Variants in PSMB4 observed in about 807,000 individuals in gnomAD.
The protein encoded by PSMB4 is proteasome subunit beta type-4.
Under a neutral mutation model 35.2 loss-of-function variants are expected in PSMB4, and 16 were observed. That is an observed-to-expected ratio of 0.45 (90% CI 0.31 to 0.69). The LOEUF is 0.69. Ranked by LOEUF, PSMB4 falls within the 30% of genes least tolerant of loss-of-function variation. The pLI is 0.06. For synonymous variants in PSMB4, 144 were observed against 134.1 expected, an observed-to-expected ratio of 1.07 and a Z score of -0.51; for missense variants, 333 against 351.8, an observed-to-expected ratio of 0.95 and a Z score of 0.43.
chr1:151,401,328 C>G lies in PSMB4; in HGVS notation c.666C>G (p.Tyr222Ter). 1 of 1,614,122 alleles carries G rather than the reference C, an allele frequency of 6.2e-7. No homozygotes were observed. Among genetic ancestry groups the G allele is most frequent in the Non-Finnish European group, 8.5e-7 (1 of 1,180,022 alleles). The part of the protein sequence containing the change: ...DLVERCMRVL[Y>*]YRDARSYNRF... Reference sequence around the variant, plus strand: ...TAGAACGCTGCATGCGAGTGCTGTACTACCGAGATGCCCGTTCTTACAACC... The same window carrying G: ...TAGAACGCTGCATGCGAGTGCTGTAGTACCGAGATGCCCGTTCTTACAACC... The change falls in exon 5 of 7, where the codon TAC (tyrosine) becomes TAG (stop). Residue 222 changes from tyrosine to a stop codon, truncating the protein, a stop_gained. Coordinates refer to ENST00000290541, the MANE Select transcript of PSMB4 (RefSeq NM_002796.3). LOFTEE classifies it high-confidence loss of function.
At position 151,401,047 on chromosome 1, in the gene PSMB4, A is replaced by C. The variant is rs1015088344; in HGVS notation, c.577-192A>C. The C allele has an allele frequency of 6.6e-6, 5 of 757,094 alleles. No homozygotes were observed. The African/African-American group carries it at 8.7e-5, about 13-fold the overall frequency. 46.9% of individuals were successfully genotyped at this position (757,094 alleles called of 1,614,324 possible). On this transcript the variant is annotated intron_variant, in intron 4 of 6. Coordinates refer to ENST00000290541, the MANE Select transcript of PSMB4 (RefSeq NM_002796.3). The stretch of plus-strand genomic sequence containing the variant: ...ATGACATGACTGGGAGTCAGTAGAC[A>C]TGCAAAGAGAGGACACCCTAGAACT...
chr1:151,400,488 G>A lies in PSMB4; in HGVS notation c.394G>A (p.Ala132Thr). ...AGATGGACACAGCTATAGTCCTAGA[G>A]CTATTCATTCATGGCTGACCAGGGC... ...LGDGHSYSPR[A>T]IHSWLTRAMY... Residue 132 changes from alanine to threonine, a missense_variant, in exon 3 of 7, where the codon GCT becomes ACT. Physicochemically the swap from Ala to Thr is moderately conservative, Grantham distance 58 (BLOSUM62 0). Transcript: ENST00000290541. 6.2e-7 allele frequency: 1 copy of A among 1,613,986 alleles called. No homozygotes were observed. The highest frequency in any genetic ancestry group is 8.5e-7 in the Non-Finnish European group (1 of 1,180,032).
rs1176744494 is a variant in PSMB4 at position 151,400,532 on chromosome 1, G to C, written c.438G>C (p.Ser146=). Reference sequence around the variant, plus strand: ...CCAGGGCCATGTACAGCCGGCGCTCGAAGATGAACCCTTTGTGGAACACCA... The same window carrying C: ...CCAGGGCCATGTACAGCCGGCGCTCCAAGATGAACCCTTTGTGGAACACCA... ...WLTRAMYSRR[S]KMNPLWNTMV... is the part of the protein sequence containing the mutation. The change falls in exon 3 of 7, where the codon TCG becomes TCC. Residue 146 remains serine, a synonymous_variant. Transcript: ENST00000290541. 2 of 1,614,120 alleles carry C rather than the reference G, an allele frequency of 1.2e-6. No homozygotes were observed. Among genetic ancestry groups the C allele is most frequent in the East Asian group, 2.2e-5 (1 of 44,882 alleles).
At position 151,400,457 on chromosome 1, in the gene PSMB4, T is replaced by C; in HGVS notation, c.363T>C (p.Leu121=). 6.2e-7 allele frequency: 1 copy of C among 1,613,540 alleles called. No homozygotes were observed. Among genetic ancestry groups the C allele is most frequent in the South Asian group, 1.1e-5 (1 of 91,028 alleles). Residue 121 remains leucine, a synonymous_variant, in exon 3 of 7, where the codon CTT becomes CTC. Transcript: ENST00000290541. ...TCCTTTTAAGGATTGATGAGGAGCT[T>C]CTGGGAGATGGACACAGCTATAGTC... ...VLGQMVIDEE[L]LGDGHSYSPR...
At position 151,399,725 on chromosome 1, in the gene PSMB4, C is replaced by T. The variant is rs769914025; in HGVS notation, c.138C>T (p.Thr46=). 4.0e-5 allele frequency: 65 copies of T among 1,613,864 alleles called. No homozygotes were observed. Among genetic ancestry groups the T allele is most frequent in the Non-Finnish European group, 5.4e-5 (64 of 1,180,026 alleles). ...TTTACAGAGGTCCAATCACGCGGACCCAGTAAGTTCTCGGCGCTTTCGTTT... is the reference window on the plus strand; with the variant it reads ...TTTACAGAGGTCCAATCACGCGGACTCAGTAAGTTCTCGGCGCTTTCGTTT... ...SALYRGPITR[T]QNPMVTGTSV... The change falls in exon 1 of 7, where the codon ACC becomes ACT. Residue 46 remains threonine, a splice_region_variant and synonymous_variant. Transcript: ENST00000290541.
Position 151,400,543 on chromosome 1 carries a change from C to A in PSMB4, c.449C>A (p.Pro150His). Reference sequence around the variant, plus strand: ...TACAGCCGGCGCTCGAAGATGAACCCTTTGTGGAACACCATGGTCATCGGA... The same window carrying A: ...TACAGCCGGCGCTCGAAGATGAACCATTTGTGGAACACCATGGTCATCGGA... ...AMYSRRSKMN[P>H]LWNTMVIGGY... The change falls in exon 3 of 7, where the codon CCT (proline) becomes CAT (histidine). Residue 150 changes from proline to histidine, a missense_variant. Coordinates refer to ENST00000290541, the MANE Select transcript of PSMB4 (RefSeq NM_002796.3). 6.2e-7 allele frequency: 1 copy of A among 1,614,156 alleles called. No homozygotes were observed. Among genetic ancestry groups the A allele is most frequent in the Non-Finnish European group, 8.5e-7 (1 of 1,180,038 alleles).
At position 151,400,477 on chromosome 1, in the gene PSMB4, A is replaced by G. The variant is rs775164354; in HGVS notation, c.383A>G (p.Tyr128Cys). 6 of 1,613,690 alleles carry G rather than the reference A, an allele frequency of 3.7e-6. No homozygotes were observed. The highest frequency in any genetic ancestry group is 2.5e-6 in the Non-Finnish European group (3 of 1,179,992). Reference protein sequence around the residue: ...DEELLGDGHSYSPRAIHSWLT... With the variant: ...DEELLGDGHSCSPRAIHSWLT... ...GAGCTTCTGGGAGATGGACACAGCT[A>G]TAGTCCTAGAGCTATTCATTCATGG... The change falls in exon 3 of 7, where the codon TAT (tyrosine) becomes TGT (cysteine). Residue 128 changes from tyrosine (Y) to cysteine (C), a missense_variant. Physicochemically the swap from Tyr to Cys is radical, Grantham distance 194. Coordinates refer to ENST00000290541, the MANE Select transcript of PSMB4 (RefSeq NM_002796.3).
In PSMB4 at chr1:151,401,641, G is replaced by C. The variant is rs146720393; in HGVS notation, c.782+11G>C. On this transcript the variant is annotated intron_variant, in intron 6 of 6. Coordinates refer to ENST00000290541, the MANE Select transcript of PSMB4 (RefSeq NM_002796.3). The stretch of plus-strand genomic sequence containing the variant: ...TGCCCACATGATCAGGTGAGTAATA[G>C]GGAAAAAATTGGTGACAGACTTGGG... 7 of 1,592,384 alleles carry C rather than the reference G, an allele frequency of 4.4e-6. No homozygotes were observed. The highest frequency in any genetic ancestry group is 1.3e-5 in the African/African-American group (1 of 74,392).
chr1:151,401,131 A>T (rs911919328), intron 4 of PSMB4, 108 bp from the exon 5 acceptor site: 6 of 982,266 alleles, frequency 6.1e-6, no homozygotes, highest in South Asian at 5.5e-5. Flanking sequence ...GTGAGGCAAG[A>T]AGTAGAATGT....
intron 5 of PSMB4, 33 bp from the exon 6 acceptor site, chr1:151,401,509 G>C (rs765594627): frequency 1.9e-6 from 3 of 1,569,162 alleles, no homozygotes; most frequent in South Asian, 2.2e-5. Flanking sequence ...GACTTAAGGC[G>C]TGGGCATTAT....
In PSMB4 at chr1:151,401,419, G is replaced by C. The variant is rs72996027; in HGVS notation, c.693+64G>C. Reference sequence around the variant, plus strand: ...CTACTTGCAATCCCTGGGTCTCTATGCTTTGAAGAACAGATTGCCTTACTT... The same window carrying C: ...CTACTTGCAATCCCTGGGTCTCTATCCTTTGAAGAACAGATTGCCTTACTT... On this transcript the variant is annotated intron_variant, in intron 5 of 6. Coordinates refer to ENST00000290541, the MANE Select transcript of PSMB4 (RefSeq NM_002796.3). The C allele has an allele frequency of 2.4e-4, 375 of 1,555,770 alleles. 3 individuals are homozygous for C. In the East Asian group the frequency reaches 7.7e-3, roughly 32 times the overall value.
rs149809535 is a variant in PSMB4 at position 151,399,626 on chromosome 1, G to C, written c.39G>C (p.Ala13=). Reference sequence around the variant, plus strand: ...TGGGGTCGCGGTCCGGACTTTGGGCGGGGGGTCCGGCCCCAGGACAGTTTT... The same window carrying C: ...TGGGGTCGCGGTCCGGACTTTGGGCCGGGGGTCCGGCCCCAGGACAGTTTT... ...AFLGSRSGLW[A]GGPAPGQFYR... is the part of the protein sequence containing the mutation. Residue 13 remains alanine (A), a synonymous_variant, in exon 1 of 7, where the codon GCG becomes GCC. Transcript: ENST00000290541. The C allele has an allele frequency of 6.2e-7, 1 of 1,613,506 alleles. No individual in the cohort carries two copies. The highest frequency in any genetic ancestry group is 8.5e-7 in the Non-Finnish European group (1 of 1,179,688).
rs867652139 is a variant in PSMB4, at chr1:151,401,618, C to A, written c.770C>A (p.Ala257Asp). The A allele has an allele frequency of 6.2e-7, 1 of 1,606,984 alleles. No homozygotes were observed. The highest frequency in any genetic ancestry group is 8.5e-7 in the Non-Finnish European group (1 of 1,173,600). ...TCTACAGAGACCAACTGGGATATTG[C>A]CCACATGATCAGGTGAGTAATAGGG... ...PLSTETNWDI[A>D]HMISGFE The change falls in exon 6 of 7, where the codon GCC becomes GAC. Residue 257 changes from alanine (A) to aspartate (D), a missense_variant. Ala to Asp is a moderately radical substitution (Grantham distance 126). Transcript: ENST00000290541.
Position 151,401,891 on chromosome 1 carries a change from CAA to C in PSMB4, c.*64_*65del. 2 of 1,434,266 alleles carry C rather than the reference CAA, an allele frequency of 1.4e-6. No individual in the cohort carries two copies. Among genetic ancestry groups the C allele is most frequent in the Non-Finnish European group, 2.0e-6 (2 of 1,021,640 alleles). The allele number at this position is 1,434,266 out of a possible 1,614,324, so 88.8% of individuals were successfully genotyped here. On this transcript the variant is annotated 3_prime_UTR_variant, in exon 7 of 7. Coordinates refer to ENST00000290541, the MANE Select transcript of PSMB4 (RefSeq NM_002796.3). ...CTTTTAACTTTGAACTTGGCTAGTT[CAA>C]AGATAGACTCTTCTTTTGTAAAGTA... is the stretch of plus-strand genomic sequence containing the variant.
At chr1:151,401,037 G>T in intron 4 of PSMB4, 192 bp downstream of exon 4, 1 of 763,190 alleles carries the variant, frequency 1.3e-6, no homozygotes. Flanking sequence ...ATGACTGGGA[G>T]TCAGTAGACA....
chr1:151,399,857 C>T, intron 1 of PSMB4, 124 bp from the exon 2 acceptor site: 1 of 1,551,468 alleles, frequency 6.4e-7, no homozygotes. Context: ...GAGCTCAGGG[C>T]GCGGAGTCCT....
chr1:151,400,580 T>C lies in PSMB4; in HGVS notation c.486T>C (p.Asp162=). ...CCATGGTCATCGGAGGCTATGCTGA[T>C]GGAGAGAGGTTCATATGAATACAAA... ...WNTMVIGGYA[D]GESFLGYVDM... The change falls in exon 3 of 7, where the codon GAT becomes GAC. Residue 162 remains aspartate, a synonymous_variant. Coordinates refer to ENST00000290541, the MANE Select transcript of PSMB4 (RefSeq NM_002796.3). The C allele has an allele frequency of 6.2e-7, 1 of 1,614,130 alleles. No individual in the cohort carries two copies. The highest frequency in any genetic ancestry group is 2.2e-5 in the East Asian group (1 of 44,880).
In PSMB4 at chr1:151,400,182, G is replaced by T; in HGVS notation, c.342G>T (p.Gln114His). Reference protein sequence around the residue: ...DFQYLKQVLGQMVIDEELLGD... With the variant: ...DFQYLKQVLGHMVIDEELLGD... Reference sequence around the variant, plus strand: ...AGTATTTGAAGCAAGTTCTCGGCCAGATGGTGTAAGTCATCCAGAGAACAG... The same window carrying T: ...AGTATTTGAAGCAAGTTCTCGGCCATATGGTGTAAGTCATCCAGAGAACAG... Residue 114 changes from glutamine (Q) to histidine (H), a missense_variant, in exon 2 of 7, where the codon CAG (glutamine) becomes CAT (histidine). Transcript: ENST00000290541. 6.2e-7 allele frequency: 1 copy of T among 1,614,068 alleles called. No individual in the cohort carries two copies. Among genetic ancestry groups the T allele is most frequent in the Non-Finnish European group, 8.5e-7 (1 of 1,179,914 alleles).
At chr1:151,401,746 A>G (rs756528471) in intron 6 of PSMB4, 71 bp from the exon 7 acceptor site, 9 of 1,565,330 alleles carry the variant, frequency 5.7e-6, no homozygotes, top group Non-Finnish European at 7.9e-6. Context: ...TTTTGGTTGG[A>G]CAGTACAGCT....
Sources: gnomAD v4.1 joint callset for allele counts on GRCh38, gnomAD v4.1.1 for gene constraint, MANE v1.5 for transcripts, NCBI Gene and HGNC (gene_info 2026-07-23, HGNC 2026-07-21) for gene names.